The following MAPK10 variants were observed in gnomAD, a reference collection of about 807,000 sequenced individuals.
MAPK10 encodes the protein mitogen-activated protein kinase 10, also known as JNK3 alpha protein kinase.
Under a neutral mutation model 59.3 loss-of-function variants are expected in MAPK10, and 25 were observed. That is an observed-to-expected ratio of 0.42 (90% confidence interval 0.31 to 0.59). MAPK10 has a LOEUF of 0.59. Ranked by LOEUF, MAPK10 falls within the 20% of genes least tolerant of loss-of-function variation. The pLI is 0.15. For synonymous variants in MAPK10, 190 were observed against 200.5 expected (o/e 0.95, Z 0.44); for missense variants, 351 against 568.9 (o/e 0.62, Z 3.90).
At chr4:86,497,045 T>A (rs2149077561) in intron 1 of MAPK10, among the ~76,000 whole-genome samples, 1 of 152,346 alleles carries the variant, frequency 6.6e-6, no homozygotes, top group Admixed American at 6.5e-5. Context: ...TTTCATTCTA[T>A]CCTCAAAACT....
intron 1 of MAPK10, among the ~76,000 whole-genome samples, chr4:86,491,844 G>A (rs1201775889): frequency 2.0e-5 from 3 of 152,148 alleles, no homozygotes; most frequent in Non-Finnish European, 4.4e-5. Flanking sequence ...TGGTGTGTGT[G>A]TGTGATTATT....
rs999464390 is a variant in MAPK10 at position 86,358,119 on chromosome 4, C to T, written c.-122+1539G>A. 9 of 985,182 alleles carry T rather than the reference C, an allele frequency of 9.1e-6. No homozygotes were observed. The African/African-American group carries it at 1.6e-4, about 17-fold the overall frequency. The allele number at this position is 985,182 out of a possible 1,614,324, so 61.0% of individuals were successfully genotyped here. The stretch of plus-strand genomic sequence containing the variant: ...ACCGCTACATCCAAAGCATCCAGCC[C>T]CTAAAATCTAATGGTTCTGAAGTGG... On this transcript the variant is annotated intron_variant, in intron 1 of 13. Transcript: ENST00000641462.
chr4:86,188,611 A>G (rs1380818244), intron 3 of MAPK10, among the ~76,000 whole-genome samples: 2 of 151,844 alleles, frequency 1.3e-5, no homozygotes, highest in East Asian at 3.9e-4. Flanking sequence ...ATTTTCTCAT[A>G]AATTTAAGTT....
At chr4:86,339,926 A>G (rs1312322240) in intron 2 of MAPK10, among the ~76,000 whole-genome samples, 1 of 152,260 alleles carries the variant, frequency 6.6e-6, no homozygotes, top group East Asian at 1.9e-4. Context: ...TGGAAGGTAG[A>G]TATTCTTACT....
chr4:86,281,487 G>A (rs947190658), intron 2 of MAPK10, among the ~76,000 whole-genome samples: 1 of 150,422 alleles, frequency 6.6e-6, no homozygotes, highest in South Asian at 2.1e-4. Context: ...GGGTGACAGA[G>A]CAAGACCCCC....
upstream of MAPK10, among the ~76,000 whole-genome samples, chr4:86,454,518 A>T (rs192558662): frequency 3.9e-5 from 6 of 152,224 alleles, no homozygotes; most frequent in East Asian, 1.2e-3. Flanking sequence ...AGAGCTTCAG[A>T]GACTCAAACA....
chr4:86,026,800 T>C (rs1451937630), intron 13 of MAPK10: 1 of 152,222 alleles, frequency 6.6e-6, no homozygotes, highest in African/African-American at 2.4e-5. Flanking sequence ...CAAACTTTTT[T>C]TTAGAATTGC....
At chr4:86,247,849 G>A (rs1323034631) in intron 2 of MAPK10, among the ~76,000 whole-genome samples, 1 of 152,200 alleles carries the variant, frequency 6.6e-6, no homozygotes, top group Non-Finnish European at 1.5e-5. Flanking sequence ...AACTATGGAA[G>A]TGTTGGGAAT....
In MAPK10 at chr4:86,282,939, T is replaced by G. The variant is rs138304681; in HGVS notation, c.-7+71591A>C. On this transcript the variant is annotated intron_variant, in intron 2 of 13. Transcript: ENST00000641462. ...TTTTGATAAAGACAATGAACATGCA[T>G]GTAATAGGTTGTATCTGCTTGGCTG... Among the ~76,000 whole-genome samples, 10 of 152,338 alleles carry G rather than the reference T, an allele frequency of 6.6e-5. No individual in the cohort carries two copies. The East Asian group carries it at 1.9e-3, about 29-fold the overall frequency.
chr4:86,360,305 C>T, upstream of MAPK10: 3 of 525,708 alleles, frequency 5.7e-6, no homozygotes, highest in Non-Finnish European at 7.3e-6. Flanking sequence ...CCAGCCTGCA[C>T]AACCTGAAGA....
chr4:86,344,007 C>A (rs938823741), intron 2 of MAPK10, among the ~76,000 whole-genome samples: 1 of 152,112 alleles, frequency 6.6e-6, no homozygotes, highest in Admixed American at 6.5e-5. Flanking sequence ...GTGGCTACAA[C>A]AAAAATTCTT....
intron 9 of MAPK10, among the ~76,000 whole-genome samples, chr4:86,093,479 C>A (rs1456158425): frequency 6.6e-6 from 1 of 151,720 alleles, no homozygotes; most frequent in Non-Finnish European, 1.5e-5. Flanking sequence ...AAAATTAGAA[C>A]ATTTCTTTTA....
chr4:86,226,686 G>T (rs1049268207), intron 2 of MAPK10, among the ~76,000 whole-genome samples: 4 of 151,976 alleles, frequency 2.6e-5, no homozygotes, highest in Non-Finnish European at 5.9e-5. Flanking sequence ...TTCTCCTCAA[G>T]AATTTTGAAG....
intron 2 of MAPK10, among the ~76,000 whole-genome samples, chr4:86,271,251 G>C (rs2094425959): frequency 6.6e-6 from 1 of 151,694 alleles, no homozygotes; most frequent in Non-Finnish European, 1.5e-5. Flanking sequence ...GTTTTAATTT[G>C]CATTTCTCTG....
rs1464594710 is a variant in MAPK10 at position 86,329,515 on chromosome 4, C to G, written c.-7+25015G>C. Among the ~76,000 whole-genome samples the G allele has an allele frequency of 2.0e-5, 3 of 152,098 alleles. No individual in the cohort carries two copies. The East Asian group carries it at 5.8e-4, about 29-fold the overall frequency. ...TTGTAAGAAGTAAGATATGTGCAGC[C>G]TTTACTGTCTGCAGCTTTTTATTAT... On this transcript the variant is annotated intron_variant, in intron 2 of 13. Coordinates refer to ENST00000641462, the MANE Select transcript of MAPK10 (RefSeq NM_138982.4).
intron 9 of MAPK10, chr4:86,090,663 A>G (rs149852264): frequency 2.7e-4 from 41 of 152,234 alleles, no homozygotes; most frequent in Admixed American, 2.2e-3. Context: ...AACGGAAAAC[A>G]TATTTATTTT....
intron 4 of MAPK10, among the ~76,000 whole-genome samples, chr4:86,108,609 G>T (rs1266708601): frequency 6.6e-6 from 1 of 152,098 alleles, no homozygotes; most frequent in Non-Finnish European, 1.5e-5. Context: ...TCCATGAAAA[G>T]TTTCACCAGT....
chr4:86,346,931 A>C (rs1438959363), intron 2 of MAPK10, among the ~76,000 whole-genome samples: 2 of 152,116 alleles, frequency 1.3e-5, no homozygotes, highest in East Asian at 3.8e-4. Context: ...AATATAAAAG[A>C]GTATCTTTAT....
chr4:86,134,839 G>A (rs563194771), intron 4 of MAPK10, among the ~76,000 whole-genome samples: 5 of 152,184 alleles, frequency 3.3e-5, no homozygotes, highest in Non-Finnish European at 5.9e-5. Context: ...CACCATGCAC[G>A]AGCCGAAGCA....
Sources: allele counts gnomAD v4.1 joint callset (sites outside exome capture counted in the v4.1 genomes callset), GRCh38; gene constraint gnomAD v4.1.1; transcripts MANE v1.5; gene names NCBI Gene and HGNC (gene_info 2026-07-23, HGNC 2026-07-21).